The following MRPS9 variants were observed in gnomAD, a reference collection of about 807,000 sequenced individuals.
MRPS9 encodes small ribosomal subunit protein uS9m.
In MRPS9, 45 loss-of-function variants were observed where a neutral mutation model predicts 59.9. The ratio of observed to expected loss-of-function variants is 0.75; its 90% CI spans 0.59 to 0.96. The LOEUF is 0.96. Ranked by LOEUF, MRPS9 falls within the 40% of genes least tolerant of loss-of-function variation. The pLI is 0.00. For missense variants in MRPS9, 473 were observed against 481.1 expected (o/e 0.98, Z 0.16); for synonymous variants, 171 against 166.8 (o/e 1.03, Z -0.19).
intron 2 of MRPS9, among the ~76,000 whole-genome samples, chr2:105,059,073 T>G (rs537351959): frequency 4.8e-4 from 38 of 79,402 alleles, no homozygotes; most frequent in Admixed American, 3.0e-3. Context: ...TTCTGTGGGG[T>G]TTTTTTTTTT....
At chr2:105,091,333 A>C (rs1200273957) in intron 7 of MRPS9, 1 of 470,980 alleles carries the variant, frequency 2.1e-6, no homozygotes, top group Non-Finnish European at 4.4e-6. Flanking sequence ...TGCAGAAGTC[A>C]TTGAGAGTCT....
chr2:105,073,835 C>T (rs1168249792), intron 4 of MRPS9, among the ~76,000 whole-genome samples: 1 of 151,998 alleles, frequency 6.6e-6, no homozygotes, highest in Non-Finnish European at 1.5e-5. Context: ...CTTTTTGCAC[C>T]AACATTTAGC....
chr2:105,063,600 AT>A (rs1243079548), intron 2 of MRPS9, among the ~76,000 whole-genome samples: 2 of 152,260 alleles, frequency 1.3e-5, no homozygotes, highest in Non-Finnish European at 2.9e-5. Flanking sequence ...GTAAAATACA[AT>A]TGCAAACATC....
intron 2 of MRPS9, among the ~76,000 whole-genome samples, chr2:105,066,515 A>T (rs1041859906): frequency 6.6e-6 from 1 of 152,178 alleles, no homozygotes; most frequent in Non-Finnish European, 1.5e-5. Flanking sequence ...CTTAGTCTTC[A>T]TGACAGATCC....
chr2:105,052,654 C>T lies in MRPS9; in HGVS notation c.315+3304C>T, dbSNP rs1366029223. Among the ~76,000 whole-genome samples the T allele has an allele frequency of 3.9e-5, 6 of 152,118 alleles. No homozygotes were observed. In the South Asian group the frequency reaches 8.3e-4, roughly 21 times the overall value. On this transcript the variant is annotated intron_variant, in intron 2 of 10. Transcript: ENST00000258455. ...TCGAATGAGTTAGGAAGTGTTCTCTCCTCTTCTGTTTTTGGAAGAGTTTGT... is the reference window on the plus strand; with the variant it reads ...TCGAATGAGTTAGGAAGTGTTCTCTTCTCTTCTGTTTTTGGAAGAGTTTGT...
chr2:105,061,089 G>GA (rs1201519974), intron 2 of MRPS9, among the ~76,000 whole-genome samples: 2 of 118,866 alleles, frequency 1.7e-5, no homozygotes, highest in Admixed American at 2.3e-4. Flanking sequence ...CAGCCTGGGC[G>GA]ACAGAGCAGG....
intron 2 of MRPS9, among the ~76,000 whole-genome samples, chr2:105,063,214 C>T (rs909707661): frequency 2.7e-4 from 41 of 152,246 alleles, no homozygotes; most frequent in African/African-American, 7.5e-4. Flanking sequence ...GGCTGTAGTG[C>T]GCCATGATCA....
chr2:105,080,065 A>G lies in MRPS9; in HGVS notation c.489+3A>G, dbSNP rs373625316. The G allele has an allele frequency of 1.3e-6, 2 of 1,575,006 alleles. No individual in the cohort carries two copies. The highest frequency in any genetic ancestry group is 1.7e-6 in the Non-Finnish European group (2 of 1,147,958). ...AGTCATACTATTCATTAATGCATGT[A>G]AGTATATTGCATTTATGATAAATAA... On this transcript the variant is annotated splice_donor_region_variant and intron_variant, in intron 5 of 10. Transcript: ENST00000258455.
intron 2 of MRPS9, among the ~76,000 whole-genome samples, chr2:105,055,775 G>A (rs1679781761): frequency 6.6e-6 from 1 of 152,178 alleles, no homozygotes; most frequent in Non-Finnish European, 1.5e-5. Context: ...TGGCTCAGCA[G>A]TATATATCAA....
intron 2 of MRPS9, among the ~76,000 whole-genome samples, chr2:105,067,386 A>G (rs951080783): frequency 6.6e-6 from 1 of 152,134 alleles, no homozygotes; most frequent in African/African-American, 2.4e-5. Flanking sequence ...GATATTGTAT[A>G]CTTCTCGTTA....
intron 1 of MRPS9, among the ~76,000 whole-genome samples, chr2:105,047,250 A>G (rs781081024): frequency 1.3e-5 from 2 of 152,094 alleles, no homozygotes; most frequent in Non-Finnish European, 2.9e-5. Flanking sequence ...GTGATCTCCT[A>G]AGTAAAAATA....
Position 105,053,337 on chromosome 2 carries a change from G to A in MRPS9, c.315+3987G>A, listed in dbSNP as rs551150007. Reference sequence around the variant, plus strand: ...ATTCAATTACATAGTTAAAAGTCTAGGCTCACTATAATTTTCACATAGACA... The same window carrying A: ...ATTCAATTACATAGTTAAAAGTCTAAGCTCACTATAATTTTCACATAGACA... On this transcript the variant is annotated intron_variant, in intron 2 of 10. Transcript: ENST00000258455. 2.6e-5 allele frequency among the ~76,000 whole-genome samples: 4 copies of A among 152,110 alleles called. No individual in the cohort carries two copies. In the South Asian group the frequency reaches 8.3e-4, roughly 32 times the overall value.
intron 1 of MRPS9, among the ~76,000 whole-genome samples, chr2:105,040,291 C>G (rs1472414129): frequency 6.6e-6 from 1 of 152,086 alleles, no homozygotes; most frequent in Non-Finnish European, 1.5e-5. Context: ...ATTTTAATCA[C>G]TTAATGAGTG....
chr2:105,059,331 A>G (rs1679853124), intron 2 of MRPS9, among the ~76,000 whole-genome samples: 1 of 152,124 alleles, frequency 6.6e-6, no homozygotes, highest in African/African-American at 2.4e-5. Context: ...TTAAAGAGTA[A>G]GGTGATGATT....
intron 2 of MRPS9, among the ~76,000 whole-genome samples, chr2:105,052,709 A>G (rs939248500): frequency 1.3e-5 from 2 of 152,062 alleles, no homozygotes; most frequent in African/African-American, 4.8e-5. Context: ...CTCTTTAAGA[A>G]TTTGGTTGAA....
rs759417452 is a variant in MRPS9, at chr2:105,089,924, G to A, written c.580G>A (p.Val194Met). The A allele has an allele frequency of 4.0e-5, 64 of 1,605,760 alleles. No individual in the cohort carries two copies. Among genetic ancestry groups the A allele is most frequent in the South Asian group, 1.9e-4 (17 of 90,392 alleles). ...LLPEKTVTRD[V>M]IGSRWLIKEE... ...ATATATGTGATATTTTAACAGAGAC[G>A]TGATTGGCAGCAGATGGCTGATTAA... The change falls in exon 7 of 11, where the codon GTG (valine) becomes ATG (methionine). Residue 194 changes from valine to methionine, a missense_variant. Transcript: ENST00000258455.
chr2:105,081,272 C>T (rs1573441658), intron 5 of MRPS9, among the ~76,000 whole-genome samples: 1 of 152,182 alleles, frequency 6.6e-6, no homozygotes, highest in Admixed American at 6.5e-5. Flanking sequence ...TTTTAGCTGT[C>T]GGAGGGGATG....
At chr2:105,053,009 AC>A (rs1679739313) in intron 2 of MRPS9, among the ~76,000 whole-genome samples, 1 of 152,130 alleles carries the variant, frequency 6.6e-6, no homozygotes, top group Non-Finnish European at 1.5e-5. Flanking sequence ...CCATCCTCTG[AC>A]CTTGGCCTCC....
chr2:105,048,359 G>T (rs923939753), intron 1 of MRPS9, among the ~76,000 whole-genome samples: 1 of 151,588 alleles, frequency 6.6e-6, no homozygotes. Context: ...TTGTGGGATG[G>T]GGGGAGGGGA....
Sources: allele counts gnomAD v4.1 joint callset (sites outside exome capture counted in the v4.1 genomes callset), GRCh38; gene constraint gnomAD v4.1.1; transcripts MANE v1.5; gene names NCBI Gene and HGNC (gene_info 2026-07-23, HGNC 2026-07-21).